FAT4: variants seen among roughly 807,000 people sequenced by gnomAD.
The protein encoded by FAT4 is protocadherin Fat 4.
In FAT4, 84 loss-of-function variants were observed where a neutral mutation model predicts 303.9. The observed-to-expected ratio is 0.28, with a 90% CI of 0.23 to 0.33. FAT4 has a LOEUF of 0.33. Among genes scored for constraint, FAT4 ranks in the 10% least tolerant of loss-of-function variants. The pLI is 1.00. For missense variants in FAT4, 6,005 were observed against 6,146.8 expected, an observed-to-expected ratio of 0.98 and a Z score of 0.77; for synonymous variants, 2,307 against 2,298.8, an observed-to-expected ratio of 1.00 and a Z score of -0.10.
intron 12 of FAT4, among the ~76,000 whole-genome samples, chr4:125,470,577 A>T (rs1355074254): frequency 6.6e-6 from 1 of 152,142 alleles, no homozygotes; most frequent in African/African-American, 2.4e-5. Context: ...CTACTACCTT[A>T]CAGAGATGAC....
rs10028963 is a variant in FAT4 at position 125,327,111 on chromosome 4, C to T, written c.5175+5525C>T. Among the ~76,000 whole-genome samples, 1,061 of 152,246 alleles carry T rather than the reference C, an allele frequency of 7.0e-3. 17 individuals carry two copies. The highest frequency in any genetic ancestry group is 0.025 in the African/African-American group (1,021 of 41,540). ...ACCACAGCTAAGGCCCTCAGCAGAT[C>T]GGTTACATCCCTAGGCATCATTAGT... On this transcript the variant is annotated intron_variant, in intron 2 of 17. Transcript: ENST00000394329.
intron 2 of FAT4, among the ~76,000 whole-genome samples, chr4:125,396,672 T>C (rs1474726361): frequency 6.6e-6 from 1 of 152,034 alleles, no homozygotes; most frequent in East Asian, 1.9e-4. Flanking sequence ...ACCCCTAGCA[T>C]GCACAAGGGT....
Position 125,490,248 on chromosome 4 carries a change from G to A in FAT4, c.13432G>A (p.Gly4478Arg). ...CTGTCTTGGCGTCCTCTGTCCTCAG[G>A]GGAAGGTGTGCAAAGCTGGAAGTCC... ...VACLGVLCPQ[G>R]KVCKAGSPAG... The change falls in exon 18 of 18, where the codon GGG (glycine) becomes AGG (arginine). Residue 4478 changes from glycine to arginine, a missense_variant. By Grantham distance (125) the Gly-to-Arg change is moderately radical. Coordinates refer to ENST00000394329, the MANE Select transcript of FAT4 (RefSeq NM_001291303.3). 1 of 1,614,114 alleles carries A rather than the reference G, an allele frequency of 6.2e-7. No homozygotes were observed. The highest frequency in any genetic ancestry group is 8.5e-7 in the Non-Finnish European group (1 of 1,180,030).
intron 2 of FAT4, among the ~76,000 whole-genome samples, chr4:125,394,510 G>T (rs1001690905): frequency 6.6e-6 from 1 of 152,062 alleles, no homozygotes; most frequent in Non-Finnish European, 1.5e-5. Context: ...TAAGATCTCA[G>T]AATTTTAAGC....
At chr4:125,434,481 T>A (rs1725387569) in intron 8 of FAT4, 56 bp downstream of exon 8, 1 of 1,428,106 alleles carries the variant, frequency 7.0e-7, no homozygotes, top group African/African-American at 1.4e-5. Context: ...CATTAGTTTT[T>A]GAACTACATG....
intron 10 of FAT4, among the ~76,000 whole-genome samples, chr4:125,462,977 G>T (rs1022898087): frequency 6.6e-6 from 1 of 151,858 alleles, no homozygotes; most frequent in Non-Finnish European, 1.5e-5. Flanking sequence ...AGGTATTATC[G>T]CTTCAGACAA....
intron 2 of FAT4, among the ~76,000 whole-genome samples, chr4:125,380,016 C>A (rs1733480266): frequency 6.6e-6 from 1 of 151,954 alleles, no homozygotes; most frequent in Non-Finnish European, 1.5e-5. Flanking sequence ...GCCTCAGCCT[C>A]CTGAGTAGCT....
At chr4:125,337,767 C>T (rs1731630390) in intron 2 of FAT4, among the ~76,000 whole-genome samples, 1 of 151,906 alleles carries the variant, frequency 6.6e-6, no homozygotes, top group South Asian at 2.1e-4. Flanking sequence ...GAATTCAAAT[C>T]TAGGGAACTT....
chr4:125,365,234 A>G (rs1332902812), intron 2 of FAT4, among the ~76,000 whole-genome samples: 1 of 152,168 alleles, frequency 6.6e-6, no homozygotes, highest in East Asian at 1.9e-4. Context: ...ACTCTGAGAT[A>G]CCAGTGGAAA....
In FAT4 at chr4:125,319,727, A is replaced by G; in HGVS notation, c.3316A>G (p.Thr1106Ala). The change falls in exon 2 of 18, where the codon ACA becomes GCA. Residue 1106 changes from threonine to alanine, a missense_variant. Transcript: ENST00000394329. The stretch of plus-strand genomic sequence containing the variant: ...ACCTCTTTTTAACAGTACCAATTAC[A>G]CATTTTACTTCGAAGAAGAGCAGAG... ...NRPLFNSTNY[T>A]FYFEEEQRAG... The G allele has an allele frequency of 6.2e-7, 1 of 1,614,216 alleles. No individual in the cohort carries two copies. The highest frequency in any genetic ancestry group is 8.5e-7 in the Non-Finnish European group (1 of 1,180,010).
Position 125,477,406 on chromosome 4 carries a change from A to T in FAT4, c.12479+72A>T, listed in dbSNP as rs367719853. ...AAAGTATGCTTCAGTGAGCATCAAA[A>T]GATGAAATTATTATGCTCAAATCTC... On this transcript the variant is annotated intron_variant, in intron 14 of 17. Transcript: ENST00000394329. 3.1e-6 allele frequency: 4 copies of T among 1,291,846 alleles called. No individual in the cohort carries two copies. In the African/African-American group the frequency reaches 4.5e-5, roughly 15 times the overall value. 80.0% of individuals were successfully genotyped at this position (1,291,846 alleles called of 1,614,324 possible).
intron 2 of FAT4, among the ~76,000 whole-genome samples, chr4:125,359,740 A>C (rs1732579383): frequency 6.6e-6 from 1 of 152,196 alleles, no homozygotes; most frequent in African/African-American, 2.4e-5. Context: ...ATAAATTCAT[A>C]GTGAAAGGTA....
At chr4:125,442,167 A>G (rs866772807) in intron 8 of FAT4, among the ~76,000 whole-genome samples, 4 of 152,184 alleles carry the variant, frequency 2.6e-5, no homozygotes, top group South Asian at 4.1e-4. Context: ...CACTATTGAA[A>G]GATGGGTAGC....
chr4:125,326,446 T>C (rs1312992964), intron 2 of FAT4, among the ~76,000 whole-genome samples: 1 of 152,080 alleles, frequency 6.6e-6, no homozygotes, highest in East Asian at 1.9e-4. Flanking sequence ...GATAAGTGCA[T>C]AGTGATAAGT....
rs763022000 is a variant in FAT4, at chr4:125,449,573, A to G, written c.8563A>G (p.Thr2855Ala). Residue 2855 changes from threonine to alanine, a missense_variant, in exon 10 of 18, where the codon ACT becomes GCT. Coordinates refer to ENST00000394329, the MANE Select transcript of FAT4 (RefSeq NM_001291303.3). The part of the protein sequence containing the change: ...IRVSAHDSGW[T>A]VSTDVTIFVT... ...AGTTTCCGCACATGATTCTGGGTGG[A>G]CTGTAAGTACAGATGTCACAATATT... The G allele has an allele frequency of 1.2e-6, 2 of 1,613,570 alleles. No homozygotes were observed. Among genetic ancestry groups the G allele is most frequent in the South Asian group, 1.1e-5 (1 of 91,048 alleles).
intron 2 of FAT4, among the ~76,000 whole-genome samples, chr4:125,329,900 A>G (rs1397271221): frequency 1.3e-5 from 2 of 152,084 alleles, no homozygotes; most frequent in Non-Finnish European, 2.9e-5. Context: ...CTTTCAGTTG[A>G]TCTTGTTGGC....
rs1406796351 is a variant in FAT4 at position 125,450,531 on chromosome 4, T to C, written c.9521T>C (p.Val3174Ala). 1.9e-6 allele frequency: 3 copies of C among 1,613,988 alleles called. No individual in the cohort carries two copies. In the African/African-American group the frequency reaches 4.0e-5, roughly 22 times the overall value. Residue 3174 changes from valine to alanine, a missense_variant, in exon 10 of 18, where the codon GTT (valine) becomes GCT (alanine). By Grantham distance (64) the Val-to-Ala change is moderately conservative (BLOSUM62 0). Coordinates refer to ENST00000394329, the MANE Select transcript of FAT4 (RefSeq NM_001291303.3). ...MTISAIDGGW[V>A]ARTGYCSVTV... ...ATTAGTGCTATAGATGGAGGATGGG[T>C]TGCAAGAACTGGTTACTGCAGTGTG...
chr4:125,363,365 T>G (rs1732743920), intron 2 of FAT4, among the ~76,000 whole-genome samples: 1 of 151,918 alleles, frequency 6.6e-6, no homozygotes, highest in South Asian at 2.1e-4. Flanking sequence ...TTCCTCCTGA[T>G]TTGCTCCTCG....
intron 2 of FAT4, among the ~76,000 whole-genome samples, chr4:125,328,820 C>A (rs1193362626): frequency 2.0e-5 from 3 of 152,126 alleles, no homozygotes; most frequent in Non-Finnish European, 4.4e-5. Flanking sequence ...AGGATTTAAA[C>A]CCAGCAGTCT....
Sources: allele counts gnomAD v4.1 joint callset (sites outside exome capture counted in the v4.1 genomes callset), GRCh38; gene constraint gnomAD v4.1.1; transcripts MANE v1.5; gene names NCBI Gene and HGNC (gene_info 2026-07-23, HGNC 2026-07-21).